The following NOL10 variants were observed in gnomAD, a reference collection of about 807,000 sequenced individuals.
NOL10 encodes nucleolar protein 10, also known as H_NH0074G24.1.
NOL10 carries 58 observed loss-of-function variants against 103.5 expected under a neutral mutation model. The ratio of observed to expected loss-of-function variants is 0.56; its 90% CI spans 0.45 to 0.70. NOL10 has a LOEUF of 0.70. Ranked by LOEUF, NOL10 falls within the 30% of genes least tolerant of loss-of-function variation. The probability of loss-of-function intolerance (pLI) is 0.00; values close to 1 mark genes in which losing one functional copy is unlikely to be tolerated. For missense variants in NOL10, 763 were observed against 807.3 expected (o/e 0.95, Z 0.67); for synonymous variants, 287 against 282.5 (o/e 1.02, Z -0.16).
chr2:10,579,020 A>T (rs1674615974), intron 19 of NOL10, among the ~76,000 whole-genome samples: 1 of 152,216 alleles, frequency 6.6e-6, no homozygotes, highest in African/African-American at 2.4e-5. Context: ...TTTCCCTGAA[A>T]TATGATCTTT....
At chr2:10,603,993 C>T (rs958590224) in intron 14 of NOL10, among the ~76,000 whole-genome samples, 6 of 152,212 alleles carry the variant, frequency 3.9e-5, no homozygotes, top group African/African-American at 1.4e-4. Flanking sequence ...AATTTTTCCA[C>T]GGATGCAGGG....
intron 12 of NOL10, 35 bp downstream of exon 12, chr2:10,654,445 AT>A: frequency 7.1e-7 from 1 of 1,402,922 alleles, no homozygotes; most frequent in Non-Finnish European, 9.9e-7. Flanking sequence ...GCATCTTTTT[AT>A]TTGTCTCACT....
intron 12 of NOL10, among the ~76,000 whole-genome samples, chr2:10,647,883 C>T (rs1679189964): frequency 6.6e-6 from 1 of 152,206 alleles, no homozygotes; most frequent in Non-Finnish European, 1.5e-5. Context: ...GTAATTTCTA[C>T]CACTATTAAG....
rs1674199002 is a variant in NOL10, at chr2:10,571,941, T to C, written c.*130A>G. 8.8e-7 allele frequency: 1 copy of C among 1,131,594 alleles called. No homozygotes were observed. The highest frequency in any genetic ancestry group is 1.3e-6 in the Non-Finnish European group (1 of 798,404). 70.1% of individuals were successfully genotyped at this position (1,131,594 alleles called of 1,614,324 possible). ...CACAAGGCACAGGTTTTCAAATCTT[T>C]ACCTCTGTGTACAAGAACGTACATG... On this transcript the variant is annotated 3_prime_UTR_variant, in exon 21 of 21. Coordinates refer to ENST00000381685, the MANE Select transcript of NOL10 (RefSeq NM_024894.4).
At position 10,577,797 on chromosome 2, in the gene NOL10, G is replaced by C. The variant is rs2148141558; in HGVS notation, c.1845-59C>G. 8 of 1,177,024 alleles carry C rather than the reference G, an allele frequency of 6.8e-6. No homozygotes were observed. In the East Asian group the frequency reaches 1.8e-4, roughly 26 times the overall value. 72.9% of individuals were successfully genotyped at this position (1,177,024 alleles called of 1,614,324 possible). On this transcript the variant is annotated intron_variant, in intron 19 of 20. Coordinates refer to ENST00000381685, the MANE Select transcript of NOL10 (RefSeq NM_024894.4). ...AAAATTATGTTTTAATTTACCATTTGAAACAAGTTTTGATTAGAATTGATA... is the reference window on the plus strand; with the variant it reads ...AAAATTATGTTTTAATTTACCATTTCAAACAAGTTTTGATTAGAATTGATA...
chr2:10,597,315 T>C (rs1323012996), intron 17 of NOL10, among the ~76,000 whole-genome samples: 1 of 152,220 alleles, frequency 6.6e-6, no homozygotes, highest in Admixed American at 6.5e-5. Flanking sequence ...CACATTTCAC[T>C]GTCTCCAATA....
At chr2:10,685,702 C>T (rs1167537943) in intron 1 of NOL10, among the ~76,000 whole-genome samples, 2 of 151,830 alleles carry the variant, frequency 1.3e-5, no homozygotes, top group African/African-American at 4.8e-5. Flanking sequence ...TTCATCAATA[C>T]ATTAAACAAA....
At chr2:10,651,984 G>A (rs1398375313) in intron 12 of NOL10, among the ~76,000 whole-genome samples, 1 of 152,152 alleles carries the variant, frequency 6.6e-6, no homozygotes, top group Non-Finnish European at 1.5e-5. Flanking sequence ...GCTCACGCCT[G>A]TAATCCCAGC....
chr2:10,618,480 T>C (rs932046218), intron 13 of NOL10, among the ~76,000 whole-genome samples: 5 of 152,234 alleles, frequency 3.3e-5, no homozygotes, highest in African/African-American at 9.6e-5. Context: ...GCCAAAAGAA[T>C]ACTTCAGACT....
At chr2:10,681,159 A>C (rs1681728036) in intron 3 of NOL10, among the ~76,000 whole-genome samples, 1 of 152,148 alleles carries the variant, frequency 6.6e-6, no homozygotes, top group African/African-American at 2.4e-5. Flanking sequence ...CTTCTATACG[A>C]TTGTTCATAG....
At chr2:10,642,285 T>C (rs1678749118) in intron 13 of NOL10, among the ~76,000 whole-genome samples, 1 of 152,144 alleles carries the variant, frequency 6.6e-6, no homozygotes, top group Non-Finnish European at 1.5e-5. Flanking sequence ...CAGATTAGAC[T>C]TCTCTCACAT....
Position 10,671,558 on chromosome 2 carries a change from C to A in NOL10, c.460G>T (p.Ala154Ser), listed in dbSNP as rs765702029. The change falls in exon 6 of 21, where the codon GCA (alanine) becomes TCA (serine). Residue 154 changes from alanine (A) to serine (S), a missense_variant. By Grantham distance (99) the Ala-to-Ser change is moderately conservative. Coordinates refer to ENST00000381685, the MANE Select transcript of NOL10 (RefSeq NM_024894.4). Reference sequence around the variant, plus strand: ...AAAAGGGACTGGATCCAATACCTTGCACCAACAAAGTACAAGTCACAGGAT... The same window carrying A: ...AAAAGGGACTGGATCCAATACCTTGAACCAACAAAGTACAAGTCACAGGAT... ...YPSCDLYFVGASSEVYRLNLE... is the reference protein window; with the variant it reads ...YPSCDLYFVGSSSEVYRLNLE... 21 of 1,603,690 alleles carry A rather than the reference C, an allele frequency of 1.3e-5. No homozygotes were observed. Among genetic ancestry groups the A allele is most frequent in the Non-Finnish European group, 1.7e-5 (20 of 1,175,810 alleles).
chr2:10,632,444 C>A (rs918121535), intron 13 of NOL10, among the ~76,000 whole-genome samples: 1 of 152,160 alleles, frequency 6.6e-6, no homozygotes, highest in Non-Finnish European at 1.5e-5. Flanking sequence ...CAAAAACAGA[C>A]AGCTGGTGTG....
At chr2:10,684,939 A>G (rs1682049347) in intron 1 of NOL10, among the ~76,000 whole-genome samples, 1 of 152,170 alleles carries the variant, frequency 6.6e-6, no homozygotes, top group African/African-American at 2.4e-5. Context: ...GGCTCAAACA[A>G]TCCTCTCACC....
intron 20 of NOL10, among the ~76,000 whole-genome samples, chr2:10,573,417 C>T (rs1282253256): frequency 6.6e-6 from 1 of 152,166 alleles, no homozygotes; most frequent in East Asian, 1.9e-4. Flanking sequence ...TGGTCTCGAT[C>T]TCTTGACTTT....
chr2:10,655,187 G>A (rs1250859794), intron 11 of NOL10, among the ~76,000 whole-genome samples: 4 of 147,876 alleles, frequency 2.7e-5, no homozygotes, highest in Admixed American at 6.8e-5. Flanking sequence ...AGCCTGGGGC[G>A]ACAGAGTGAG....
chr2:10,638,483 C>CTTTTTTTTTTTTTTT (rs869294782), intron 13 of NOL10, among the ~76,000 whole-genome samples: 4 of 77,784 alleles, frequency 5.1e-5, no homozygotes, highest in African/African-American at 2.1e-4. Flanking sequence ...GCTGAATTCC[C>CTTTTTTTTTTTTTTT]TTTTTTTTTT....
intron 6 of NOL10, among the ~76,000 whole-genome samples, chr2:10,670,824 A>G (rs929011561): frequency 3.3e-5 from 5 of 152,242 alleles, no homozygotes; most frequent in Admixed American, 6.5e-5. Context: ...AAGTTATGAC[A>G]TCTGTCCTAA....
In NOL10 at chr2:10,653,924, C is replaced by G. The variant is rs184531541; in HGVS notation, c.973+557G>C. Among the ~76,000 whole-genome samples the G allele has an allele frequency of 4.6e-5, 7 of 152,332 alleles. No individual in the cohort carries two copies. In the East Asian group the frequency reaches 1.2e-3, roughly 25 times the overall value. The stretch of plus-strand genomic sequence containing the variant: ...CTCTCTATCAAGATGATCTGGGTAC[C>G]TCTGCCCTCAGAGTAGAAACTATTC... On this transcript the variant is annotated intron_variant, in intron 12 of 20. Transcript: ENST00000381685.
Sources: gnomAD v4.1 joint callset for allele counts (sites outside exome capture counted in the v4.1 genomes callset) on GRCh38, gnomAD v4.1.1 for gene constraint, MANE v1.5 for transcripts, NCBI Gene and HGNC (gene_info 2026-07-23, HGNC 2026-07-21) for gene names.